The following EPHA2 variants were observed in gnomAD, a reference collection of about 807,000 sequenced individuals.
The protein encoded by EPHA2 is EPH receptor A2.
EPHA2 carries 54 observed loss-of-function variants against 104.9 expected under a neutral mutation model. That is an observed-to-expected ratio of 0.51 (90% CI 0.41 to 0.65). The LOEUF is 0.65. Ranked by LOEUF, EPHA2 falls within the 30% of genes least tolerant of loss-of-function variation. The pLI is 0.00. For missense variants in EPHA2, 1,117 were observed against 1,369.5 expected (o/e 0.82, Z 2.91); for synonymous variants, 560 against 559.1 (o/e 1.00, Z -0.02).
rs140767966 is a variant in EPHA2 at position 16,133,488 on chromosome 1, G to A, written c.1857C>T (p.Ile619=). Residue 619 remains isoleucine (I), a synonymous_variant, in exon 10 of 17, where the codon ATC becomes ATT. Coordinates refer to ENST00000358432, the MANE Select transcript of EPHA2 (RefSeq NM_004431.5). The stretch of plus-strand genomic sequence containing the variant: ...GCAGGGGGCCAACCTCACCTGCTCC[G>A]ATCACCTTCTGCCGAGTGACACAGG... ...HPSCVTRQKV[I]GAGEFGEVYK... is the part of the protein sequence containing the mutation. The A allele has an allele frequency of 7.5e-5, 121 of 1,614,062 alleles. 2 individuals carry two copies. Among genetic ancestry groups the A allele is most frequent in the African/African-American group, 5.9e-4 (44 of 75,030 alleles).
At position 16,128,276 on chromosome 1, in the gene EPHA2, G is replaced by A. The variant is rs1428974375; in HGVS notation, c.2825+1158C>T. Among the ~76,000 whole-genome samples, 1 of 152,206 alleles carries A rather than the reference G, an allele frequency of 6.6e-6. No individual in the cohort carries two copies. Among genetic ancestry groups the A allele is most frequent in the African/African-American group, 2.4e-5 (1 of 41,448 alleles). On this transcript the variant is annotated intron_variant, in intron 16 of 16. Transcript: ENST00000358432. The surrounding 1 kb of genome is among the most constrained non-coding windows in gnomAD (Gnocchi z 4.7). The stretch of plus-strand genomic sequence containing the variant: ...AGCCTGTGGCCCTGCTGGGCTGGCG[G>A]GCAGCAAAAGACATCCTGTGATCCA...
Position 16,126,485 on chromosome 1 carries a change from G to T in EPHA2, c.2826-1165C>A, listed in dbSNP as rs555354915. On this transcript the variant is annotated intron_variant, in intron 16 of 16. Transcript: ENST00000358432. The stretch of plus-strand genomic sequence containing the variant: ...GGGAAGGGCAGACCCAGGTGAGTTG[G>T]GGGGACTCCAGGACCTCCCGCAGAG... Among the ~76,000 whole-genome samples, 6 of 152,344 alleles carry T rather than the reference G, an allele frequency of 3.9e-5. No individual in the cohort carries two copies. The South Asian group carries it at 1.0e-3, about 26-fold the overall frequency.
intron 3 of EPHA2, among the ~76,000 whole-genome samples, chr1:16,142,198 G>A (rs1165303606): frequency 5.9e-5 from 9 of 152,110 alleles, no homozygotes; most frequent in African/African-American, 1.4e-4. Flanking sequence ...CTGGCCCCCC[G>A]GCCCCCATTA....
chr1:16,133,585 G>A lies in EPHA2; in HGVS notation c.1760C>T (p.Thr587Ile), dbSNP rs768718355. The A allele has an allele frequency of 6.2e-7, 1 of 1,614,078 alleles. No individual in the cohort carries two copies. Among genetic ancestry groups the A allele is most frequent in the Non-Finnish European group, 8.5e-7 (1 of 1,179,978 alleles). The change falls in exon 10 of 17, where the codon ACA (threonine) becomes ATA (isoleucine). Residue 587 changes from threonine (T) to isoleucine (I), a missense_variant. Transcript: ENST00000358432. ...SKSEQLKPLK[T>I]YVDPHTYEDP... is the part of the protein sequence containing the mutation. Reference sequence around the variant, plus strand: ...CTCATATGTGTGGGGGTCCACGTATGTCTTCAGGGGCTTCAGTTGTTCTGG... The same window carrying A: ...CTCATATGTGTGGGGGTCCACGTATATCTTCAGGGGCTTCAGTTGTTCTGG...
intron 1 of EPHA2, chr1:16,153,201 A>C (rs1199932885): frequency 2.0e-6 from 2 of 984,754 alleles, no homozygotes; most frequent in Non-Finnish European, 1.2e-6. Flanking sequence ...TTGTGGGTCC[A>C]CATTGCTCCA....
intron 5 of EPHA2, among the ~76,000 whole-genome samples, chr1:16,136,790 ATGCT>A (rs1411580686): frequency 6.7e-6 from 1 of 148,250 alleles, no homozygotes; most frequent in African/African-American, 2.5e-5. Flanking sequence ...CTTTTGCTGA[ATGCT>A]TTCTTTTTTT....
At position 16,130,547 on chromosome 1, in the gene EPHA2, C is replaced by A. The variant is rs1436267088; in HGVS notation, c.2476-128G>T. On this transcript the variant is annotated intron_variant, in intron 14 of 16. Transcript: ENST00000358432. The surrounding 1 kb of genome is among the most constrained non-coding windows in gnomAD (Gnocchi z 4.5). ...ACATCCCAGAAACAGACAGGAAGGG[C>A]CTTTCTTGAGCTGCCACCCAACCTT... The A allele has an allele frequency of 1.3e-5, 12 of 949,026 alleles. No individual in the cohort carries two copies. The highest frequency in any genetic ancestry group is 1.8e-5 in the Non-Finnish European group (12 of 670,200). 58.8% of individuals were successfully genotyped at this position (949,026 alleles called of 1,614,324 possible). A position where few individuals can be genotyped will look rare whatever the true frequency, so the allele number is the denominator to read the frequency against.
chr1:16,155,239 C>T (rs1228204696), intron 1 of EPHA2: 1 of 152,292 alleles, frequency 6.6e-6, no homozygotes, highest in Non-Finnish European at 1.5e-5. Flanking sequence ...TAACCTGCCC[C>T]GGGAGCCCGG....
chr1:16,148,353 C>T lies in EPHA2; in HGVS notation c.823+25G>A. 6.2e-7 allele frequency: 1 copy of T among 1,612,942 alleles called. No homozygotes were observed. The highest frequency in any genetic ancestry group is 8.5e-7 in the Non-Finnish European group (1 of 1,179,926). ...AACCTGGGAATGCAGAACCCCCTTC[C>T]CTGCAACCCAGAACCGTCACTCACC... On this transcript the variant is annotated intron_variant, in intron 3 of 16. Transcript: ENST00000358432. This position sits in a 1 kb window ranked among gnomAD's most constrained non-coding sequence, Gnocchi z 4.9.
Position 16,125,375 on chromosome 1 carries a change from C to T in EPHA2, c.2826-55G>A, listed in dbSNP as rs1023716748. ...TAGGGGCTGGAGCAGGGGAGGGGGC[C>T]GGGCTGGGTGGGGACAGGACTCGGT... On this transcript the variant is annotated intron_variant, in intron 16 of 16. Coordinates refer to ENST00000358432, the MANE Select transcript of EPHA2 (RefSeq NM_004431.5). This position sits in a 1 kb window ranked among gnomAD's most constrained non-coding sequence, Gnocchi z 4.9. 5 of 65,054 alleles carry T rather than the reference C, an allele frequency of 7.7e-5. No individual in the cohort carries two copies. The highest frequency in any genetic ancestry group is 3.0e-4 in the African/African-American group (2 of 6,612). 4.0% of individuals were successfully genotyped at this position (65,054 alleles called of 1,614,324 possible). A position where few individuals can be genotyped will look rare whatever the true frequency, so the allele number is the denominator to read the frequency against.
At position 16,148,288 on chromosome 1, in the gene EPHA2, G is replaced by A; in HGVS notation, c.823+90C>T. 3 of 1,524,850 alleles carry A rather than the reference G, an allele frequency of 2.0e-6. No individual in the cohort carries two copies. The highest frequency in any genetic ancestry group is 1.4e-5 in the African/African-American group (1 of 73,488). The allele number at this position is 1,524,850 out of a possible 1,614,324, so 94.5% of individuals were successfully genotyped here. On this transcript the variant is annotated intron_variant, in intron 3 of 16. Coordinates refer to ENST00000358432, the MANE Select transcript of EPHA2 (RefSeq NM_004431.5). This position sits in a 1 kb window ranked among gnomAD's most constrained non-coding sequence, Gnocchi z 4.9. Reference sequence around the variant, plus strand: ...AACTAATGTGTGTCAAAGCAGGGATGAGCTTACCAAGATTCCATGATTCCA... The same window carrying A: ...AACTAATGTGTGTCAAAGCAGGGATAAGCTTACCAAGATTCCATGATTCCA...
chr1:16,124,785 C>A lies in EPHA2; in HGVS notation c.*430G>T. The A allele has an allele frequency of 5.2e-6, 1 of 192,530 alleles. No homozygotes were observed. The highest frequency in any genetic ancestry group is 1.1e-4 in the South Asian group (1 of 8,988). The allele number at this position is 192,530 out of a possible 1,614,324, so 11.9% of individuals were successfully genotyped here. On this transcript the variant is annotated 3_prime_UTR_variant, in exon 17 of 17. Transcript: ENST00000358432. Reference sequence around the variant, plus strand: ...GCTTTGGGTCTCACCCAGTCAAGTTCACAGTCTGCCCTCTTAGTGTGAGGA... The same window carrying A: ...GCTTTGGGTCTCACCCAGTCAAGTTAACAGTCTGCCCTCTTAGTGTGAGGA...
In EPHA2 at chr1:16,138,055, C is replaced by G. The variant is rs780504557; in HGVS notation, c.1110G>C (p.Trp370Cys). The change falls in exon 5 of 17, where the codon TGG becomes TGC. Residue 370 changes from tryptophan (W) to cysteine (C), a missense_variant. By Grantham distance (215) the Trp-to-Cys change is radical (BLOSUM62 -2). Transcript: ENST00000358432. ...IVYSVTCEQC[W>C]PESGECGPCE... ...ACGGCCCGCATTCCCCAGACTCGGG[C>G]CAGCACTGTTCGCAGGTGACGCTGT... 1 of 1,613,126 alleles carries G rather than the reference C, an allele frequency of 6.2e-7. No individual in the cohort carries two copies. Among genetic ancestry groups the G allele is most frequent in the Non-Finnish European group, 8.5e-7 (1 of 1,179,952 alleles).
chr1:16,132,314 C>A, intron 12 of EPHA2, 41 bp from the exon 13 acceptor site: 1 of 1,614,042 alleles, frequency 6.2e-7, no homozygotes, highest in Non-Finnish European at 8.5e-7. Flanking sequence ...CAGCCCTGAA[C>A]CCGCCAGGCC....
In EPHA2 at chr1:16,148,984, T is replaced by C. The variant is rs750986678; in HGVS notation, c.217A>G (p.Met73Val). Reference sequence around the variant, plus strand: ...AGCCAGTTGTCCTGGTCGCCAGACATCACGTTGCACACGGAGTACATGTAG... The same window carrying C: ...AGCCAGTTGTCCTGGTCGCCAGACACCACGTTGCACACGGAGTACATGTAG... Reference protein sequence around the residue: ...PIYMYSVCNVMSGDQDNWLRT... With the variant: ...PIYMYSVCNVVSGDQDNWLRT... Residue 73 changes from methionine to valine, a missense_variant, in exon 3 of 17, where the codon ATG becomes GTG. Around this residue, in one of 3 missense-constraint regions of EPHA2, gnomAD observed 664 missense variants for 784.8 expected, o/e 0.85. Coordinates refer to ENST00000358432, the MANE Select transcript of EPHA2 (RefSeq NM_004431.5). This position sits in a 1 kb window ranked among gnomAD's most constrained non-coding sequence, Gnocchi z 4.9. The C allele has an allele frequency of 6.2e-6, 10 of 1,613,994 alleles. No individual in the cohort carries two copies. The Admixed American group carries it at 1.2e-4, about 19-fold the overall frequency.
In EPHA2 at chr1:16,130,127, C is replaced by G; in HGVS notation, c.2669+99G>C. 6.5e-7 allele frequency: 1 copy of G among 1,527,448 alleles called. No individual in the cohort carries two copies. The highest frequency in any genetic ancestry group is 2.3e-5 in the East Asian group (1 of 44,186). 94.6% of individuals were successfully genotyped at this position (1,527,448 alleles called of 1,614,324 possible). A position where few individuals can be genotyped will look rare whatever the true frequency, so the allele number is the denominator to read the frequency against. ...CATAACCTCTTAGCCCCCAGCACCC[C>G]CCCTACCAGCTTCACCTGGGTGGCC... is the stretch of plus-strand genomic sequence containing the variant. On this transcript the variant is annotated intron_variant, in intron 15 of 16. Transcript: ENST00000358432. The surrounding 1 kb of genome is among the most constrained non-coding windows in gnomAD (Gnocchi z 4.5).
rs199586891 is a variant in EPHA2, at chr1:16,135,159, T to G, written c.1459A>C (p.Thr487Pro). The G allele has an allele frequency of 4.3e-6, 7 of 1,613,928 alleles. No individual in the cohort carries two copies. In the Admixed American group the frequency reaches 6.7e-5, roughly 15 times the overall value. ...TCCAGGGTCACGGAGAAACCCTCGG[T>G]GCGGCGCACATTGTAGCTGTTGGAG... ...GDSNSYNVRR[T>P]EGFSVTLDDL... The change falls in exon 7 of 17, where the codon ACC becomes CCC. Residue 487 changes from threonine (T) to proline (P), a missense_variant. Thr to Pro is a conservative substitution (Grantham distance 38). Coordinates refer to ENST00000358432, the MANE Select transcript of EPHA2 (RefSeq NM_004431.5). The surrounding 1 kb of genome is among the most constrained non-coding windows in gnomAD (Gnocchi z 4.3).
chr1:16,146,812 C>T (rs1569599433), intron 3 of EPHA2, among the ~76,000 whole-genome samples: 1 of 152,318 alleles, frequency 6.6e-6, no homozygotes, highest in South Asian at 2.1e-4. Context: ...TCCTCCAACC[C>T]TTCAACCCCC....
chr1:16,146,851 A>G (rs757530638), intron 3 of EPHA2, among the ~76,000 whole-genome samples: 1 of 152,232 alleles, frequency 6.6e-6, no homozygotes, highest in Non-Finnish European at 1.5e-5. Flanking sequence ...CATGGCTAGA[A>G]AACAAGCATA....
Sources: allele counts gnomAD v4.1 joint callset (sites outside exome capture counted in the v4.1 genomes callset), GRCh38; gene constraint gnomAD v4.1.1; regional missense constraint gnomAD v4.1.1; non-coding constraint Gnocchi (gnomAD v3.1); transcripts MANE v1.5; gene names NCBI Gene and HGNC (gene_info 2026-07-23, HGNC 2026-07-21).